Variants in OSBP observed in about 807,000 individuals in gnomAD.
OSBP encodes the protein oxysterol binding protein.
Under a neutral mutation model 96.6 loss-of-function variants are expected in OSBP, and 32 were observed. That is an observed-to-expected ratio of 0.33 (90% confidence interval 0.25 to 0.45). The LOEUF is 0.45. OSBP is among the 20% of genes least tolerant of loss of function. The pLI is 1.00. For synonymous variants in OSBP, 369 were observed against 389.6 expected, an observed-to-expected ratio of 0.95 and a Z score of 0.62; for missense variants, 653 against 1,029.7, an observed-to-expected ratio of 0.63 and a Z score of 5.01.
intron 7 of OSBP, among the ~76,000 whole-genome samples, chr11:59,595,978 A>AATAC (rs1175736516): frequency 3.3e-5 from 5 of 150,354 alleles, no homozygotes; most frequent in Non-Finnish European, 1.5e-5. Flanking sequence ...TAAATAAATA[A>AATAC]ATAAATAAAT....
At chr11:59,578,370 A>G in intron 11 of OSBP, 40 bp from the exon 12 acceptor site, 2 of 1,587,390 alleles carry the variant, frequency 1.3e-6, no homozygotes, top group Non-Finnish European at 1.7e-6. Context: ...TATAGAATTC[A>G]CTGTGAATTA....
chr11:59,595,504 C>T (rs557387623), intron 7 of OSBP, among the ~76,000 whole-genome samples: 5 of 152,200 alleles, frequency 3.3e-5, no homozygotes, highest in East Asian at 1.9e-4. Context: ...CCCCACCGCC[C>T]GCTCAATCAT....
chr11:59,614,747 G>A (rs1438469103), intron 1 of OSBP, among the ~76,000 whole-genome samples: 1 of 152,214 alleles, frequency 6.6e-6, no homozygotes, highest in East Asian at 1.9e-4. Flanking sequence ...GGAGAGATAA[G>A]GCAGAAAGGG....
rs1174842042 is a variant in OSBP, at chr11:59,576,199, AT to A, written c.*377del. ...AACAGCACCAAAATGCCCCTGAATC[AT>A]AATCTTAGGCAGATCTTGGCTGAGC... On this transcript the variant is annotated 3_prime_UTR_variant, in exon 14 of 14. Transcript: ENST00000263847. 5.7e-6 allele frequency: 1 copy of A among 173,956 alleles called. No homozygotes were observed. The highest frequency in any genetic ancestry group is 2.4e-5 in the African/African-American group (1 of 42,184). 10.8% of individuals were successfully genotyped at this position (173,956 alleles called of 1,614,324 possible).
intron 9 of OSBP, among the ~76,000 whole-genome samples, chr11:59,586,226 A>G (rs1407314830): frequency 1.3e-5 from 2 of 152,052 alleles, no homozygotes; most frequent in Non-Finnish European, 2.9e-5. Context: ...AATTCAACAA[A>G]GTAACAGGGT....
intron 1 of OSBP, among the ~76,000 whole-genome samples, chr11:59,610,798 ATTTT>A (rs61595958): frequency 7.9e-6 from 1 of 127,096 alleles, no homozygotes. Flanking sequence ...TCTGAGTCAG[ATTTT>A]TTTTTTTTTT....
intron 1 of OSBP, among the ~76,000 whole-genome samples, chr11:59,612,015 C>T (rs1860855415): frequency 6.6e-6 from 1 of 152,230 alleles, no homozygotes; most frequent in African/African-American, 2.4e-5. Flanking sequence ...GGTCAAAGTC[C>T]TTTGCCAACT....
At position 59,578,132 on chromosome 11, in the gene OSBP, T is replaced by C. The variant is rs201219205; in HGVS notation, c.2060+17A>G. 6.8e-6 allele frequency: 11 copies of C among 1,612,920 alleles called. No homozygotes were observed. The highest frequency in any genetic ancestry group is 8.5e-6 in the Non-Finnish European group (10 of 1,178,918). ...AGGTCAAAGTGGTATCTGGGCAGCA[T>C]GCATGCTGATACTCACGGTAAAGGA... is the stretch of plus-strand genomic sequence containing the variant. On this transcript the variant is annotated intron_variant, in intron 12 of 13. Transcript: ENST00000263847.
At chr11:59,614,398 C>T (rs1860894428) in intron 1 of OSBP, among the ~76,000 whole-genome samples, 4 of 152,106 alleles carry the variant, frequency 2.6e-5, no homozygotes, top group Admixed American at 2.6e-4. Context: ...ATTGTCCAGC[C>T]CTCAGGAAAT....
intron 9 of OSBP, among the ~76,000 whole-genome samples, chr11:59,583,637 T>G (rs891438477): frequency 7.7e-6 from 1 of 129,236 alleles, no homozygotes; most frequent in Admixed American, 7.7e-5. Context: ...AATCTCTGTT[T>G]TTTTTTTTTT....
chr11:59,611,127 C>G (rs1355937072), intron 1 of OSBP, among the ~76,000 whole-genome samples: 1 of 131,666 alleles, frequency 7.6e-6, no homozygotes, highest in Non-Finnish European at 1.5e-5. Context: ...AAGAGCGAAA[C>G]TCCGTCTCAA....
intron 3 of OSBP, among the ~76,000 whole-genome samples, chr11:59,602,808 T>C (rs1407311027): frequency 6.6e-6 from 1 of 152,222 alleles, no homozygotes; most frequent in East Asian, 1.9e-4. Context: ...TTTGTAGAGA[T>C]GGAATTTTGC....
intron 3 of OSBP, 140 bp downstream of exon 3, chr11:59,608,344 A>G: frequency 2.0e-6 from 2 of 985,092 alleles, no homozygotes; most frequent in Non-Finnish European, 3.1e-6. Context: ...GCAGTAAACA[A>G]TGTAACTTAA....
chr11:59,578,425 G>C, intron 11 of OSBP, 95 bp from the exon 12 acceptor site: 1 of 1,217,032 alleles, frequency 8.2e-7, no homozygotes. Context: ...TAATGGTTAG[G>C]TCCTGTTATA....
At chr11:59,596,071 ACACAGAGC>A (rs1290975643) in intron 7 of OSBP, among the ~76,000 whole-genome samples, 2 of 152,090 alleles carry the variant, frequency 1.3e-5, no homozygotes, top group African/African-American at 2.4e-5. Context: ...TTTCCAGTGA[ACACAGAGC>A]CACAGAGCCA....
intron 8 of OSBP, 72 bp downstream of exon 8, chr11:59,593,938 C>G: frequency 2.5e-6 from 4 of 1,569,654 alleles, no homozygotes; most frequent in Non-Finnish European, 3.5e-6. Flanking sequence ...AAACATAAGA[C>G]CCAGGGGATT....
intron 9 of OSBP, among the ~76,000 whole-genome samples, chr11:59,592,320 T>A (rs1460241349): frequency 6.6e-6 from 1 of 152,246 alleles, no homozygotes; most frequent in Non-Finnish European, 1.5e-5. Flanking sequence ...CTTTTCTCCC[T>A]TTACATATGT....
Position 59,594,587 on chromosome 11 carries a change from A to G in OSBP, c.1312-332T>C, listed in dbSNP as rs545281847. Among the ~76,000 whole-genome samples the G allele has an allele frequency of 1.2e-4, 18 of 152,368 alleles. No homozygotes were observed. The South Asian group carries it at 3.7e-3, about 32-fold the overall frequency. Reference sequence around the variant, plus strand: ...TGTTGGATGAATAAGTTTTTTAAAAAAGAAATGCAATGTATTTTAGCACAA... The same window carrying G: ...TGTTGGATGAATAAGTTTTTTAAAAGAGAAATGCAATGTATTTTAGCACAA... On this transcript the variant is annotated intron_variant, in intron 7 of 13. Coordinates refer to ENST00000263847, the MANE Select transcript of OSBP (RefSeq NM_002556.3).
chr11:59,615,645 C>T lies in OSBP; in HGVS notation c.20G>A (p.Arg7Lys). ...TGCCGGGCCTGGCCCCACCACTCCTCTCAGCTCCGTCGCCGCCATGAGCCG... is the reference window on the plus strand; with the variant it reads ...TGCCGGGCCTGGCCCCACCACTCCTTTCAGCTCCGTCGCCGCCATGAGCCG... MAATEL[R>K]GVVGPGPAAI... Residue 7 changes from arginine (R) to lysine (K), a missense_variant, in exon 1 of 14, where the codon AGA becomes AAA. This residue lies in a region of OSBP where 151 missense variants were observed against 146.1 expected (regional missense o/e 1.03). Transcript: ENST00000263847. 1.5e-6 allele frequency: 2 copies of T among 1,365,990 alleles called. No homozygotes were observed. The highest frequency in any genetic ancestry group is 1.7e-5 in the South Asian group (1 of 60,516). 84.6% of individuals were successfully genotyped at this position (1,365,990 alleles called of 1,614,324 possible).
Sources: allele counts gnomAD v4.1 joint callset (sites outside exome capture counted in the v4.1 genomes callset), GRCh38; gene constraint gnomAD v4.1.1; regional missense constraint gnomAD v4.1.1; transcripts MANE v1.5; gene names NCBI Gene and HGNC (gene_info 2026-07-23, HGNC 2026-07-21).